Variants in SRP54 observed in about 807,000 individuals in gnomAD.
SRP54 encodes signal recognition particle subunit SRP54.
A neutral mutation model predicts 64.8 loss-of-function variants in SRP54; 10 were observed. The ratio of observed to expected loss-of-function variants is 0.15; its 90% CI spans 0.10 to 0.26. The LOEUF is 0.26. Among genes scored for constraint, SRP54 ranks in the 10% least tolerant of loss-of-function variants. SRP54 has a pLI of 1.00. For synonymous variants in SRP54, 193 were observed against 185.6 expected, an observed-to-expected ratio of 1.04 and a Z score of -0.32; for missense variants, 325 against 613.7, an observed-to-expected ratio of 0.53 and a Z score of 4.97.
chr14:34,986,143 A>G (rs942763675), intron 1 of SRP54, among the ~76,000 whole-genome samples: 1 of 151,792 alleles, frequency 6.6e-6, no homozygotes, highest in African/African-American at 2.4e-5. Context: ...TTTTTTTGGT[A>G]TACCTTTTTT....
intron 1 of SRP54, among the ~76,000 whole-genome samples, chr14:34,989,914 A>G (rs545517181): frequency 9.9e-5 from 15 of 152,278 alleles, no homozygotes; most frequent in African/African-American, 3.4e-4. Context: ...TCATTTTGCA[A>G]GTGAGGAAAG....
Position 35,019,633 on chromosome 14 carries a change from A to T in SRP54, c.1156+559A>T, listed in dbSNP as rs139475705. Among the ~76,000 whole-genome samples, 22 of 152,342 alleles carry T rather than the reference A, an allele frequency of 1.4e-4. No homozygotes were observed. The East Asian group carries it at 4.2e-3, about 29-fold the overall frequency. ...ATGCTTAGAAAATTCTTTCTGTCTGAAACATAAGAATTCAGTTTTCTCAGT... is the reference window on the plus strand; with the variant it reads ...ATGCTTAGAAAATTCTTTCTGTCTGTAACATAAGAATTCAGTTTTCTCAGT... On this transcript the variant is annotated intron_variant, in intron 13 of 15. Coordinates refer to ENST00000216774, the MANE Select transcript of SRP54 (RefSeq NM_003136.4).
In SRP54 at chr14:35,008,613, C is replaced by T; in HGVS notation, c.361-14C>T. 1 of 1,508,736 alleles carries T rather than the reference C, an allele frequency of 6.6e-7. No individual in the cohort carries two copies. The highest frequency in any genetic ancestry group is 8.9e-7 in the Non-Finnish European group (1 of 1,122,848). The allele number at this position is 1,508,736 out of a possible 1,614,324, so 93.5% of individuals were successfully genotyped here. On this transcript the variant is annotated splice_polypyrimidine_tract_variant and intron_variant, in intron 5 of 15. Transcript: ENST00000216774. ...ATTTTATGATATTATATTTTTAAAT[C>T]TTTTCTCACCCAGCTAGCATATTAT...
intron 7 of SRP54, among the ~76,000 whole-genome samples, chr14:35,010,297 A>C (rs906364103): frequency 6.6e-6 from 1 of 151,562 alleles, no homozygotes; most frequent in African/African-American, 2.4e-5. Context: ...AAAATACAAA[A>C]TAACTGGACG....
chr14:35,010,423 G>T (rs570937449), intron 7 of SRP54, among the ~76,000 whole-genome samples: 2 of 152,138 alleles, frequency 1.3e-5, no homozygotes, highest in East Asian at 1.9e-4. Flanking sequence ...TCCACCATGG[G>T]CAACAAGAGC....
chr14:35,022,077 C>T (rs967785003), intron 13 of SRP54, among the ~76,000 whole-genome samples: 3 of 151,988 alleles, frequency 2.0e-5, no homozygotes, highest in East Asian at 1.9e-4. Flanking sequence ...ATGGATAGAA[C>T]GTACCTCTTT....
Position 35,001,209 on chromosome 14 carries a change from C to G in SRP54, c.255+189C>G, listed in dbSNP as rs8017611. 0.37 allele frequency among the ~76,000 whole-genome samples: 51,630 copies of G among 138,452 alleles called. 9,889 individuals carry two copies. Among genetic ancestry groups the G allele is most frequent in the East Asian group, 0.69 (3,273 of 4,774 alleles). The allele number at this position is 138,452 out of a possible 152,430, so 90.8% of individuals were successfully genotyped here. A position where few individuals can be genotyped will look rare whatever the true frequency, so the allele number is the denominator to read the frequency against. ...TTTTTTTTTGAGAAGGAGTTTCACT[C>G]TTGTTGCCCAGGCTGGAGTGCAACC... On this transcript the variant is annotated intron_variant, in intron 4 of 15. Transcript: ENST00000216774.
At position 34,996,753 on chromosome 14, in the gene SRP54, G is replaced by A. The variant is rs760145596; in HGVS notation, c.44G>A (p.Arg15His). ...GGAAGAAAAATAACATCAGCATTACGCTCGTTGAGCAATGCCACCATTATC... is the reference window on the plus strand; with the variant it reads ...GGAAGAAAAATAACATCAGCATTACACTCGTTGAGCAATGCCACCATTATC... ...DLGRKITSAL[R>H]SLSNATIINE... The change falls in exon 2 of 16, where the codon CGC becomes CAC. Residue 15 changes from arginine (R) to histidine (H), a missense_variant. Coordinates refer to ENST00000216774, the MANE Select transcript of SRP54 (RefSeq NM_003136.4). The A allele has an allele frequency of 8.7e-6, 14 of 1,613,066 alleles. No individual in the cohort carries two copies. The highest frequency in any genetic ancestry group is 2.7e-5 in the African/African-American group (2 of 74,880).
intron 11 of SRP54, 166 bp from the exon 12 acceptor site, chr14:35,018,526 G>A (rs2044478184): frequency 1.2e-5 from 7 of 601,564 alleles, no homozygotes; most frequent in Admixed American, 6.4e-5. Context: ...ATTCTCCCCA[G>A]CATTCATCCT....
At chr14:35,021,179 G>T (rs1262073043) in intron 13 of SRP54, among the ~76,000 whole-genome samples, 1 of 152,108 alleles carries the variant, frequency 6.6e-6, no homozygotes, top group Admixed American at 6.5e-5. Flanking sequence ...CTGGATTTCA[G>T]TTCACTTCTG....
At chr14:35,018,521 C>T in intron 11 of SRP54, 171 bp from the exon 12 acceptor site, 1 of 592,716 alleles carries the variant, frequency 1.7e-6, no homozygotes. Context: ...TATGTATTCT[C>T]CCCAGCATTC....
chr14:35,018,470 G>A (rs2139016372), intron 11 of SRP54, among the ~76,000 whole-genome samples: 1 of 152,312 alleles, frequency 6.6e-6, no homozygotes, highest in Admixed American at 6.5e-5. Flanking sequence ...TGTCTTCTCA[G>A]ATAGAATGTA....
At chr14:35,000,616 T>G (rs923551723) in intron 3 of SRP54, among the ~76,000 whole-genome samples, 5 of 151,814 alleles carry the variant, frequency 3.3e-5, no homozygotes, top group Admixed American at 6.6e-5. Flanking sequence ...AGTCCTGATT[T>G]CTGTTGTAAA....
At chr14:35,023,863 T>C (rs1208708319) in intron 14 of SRP54, among the ~76,000 whole-genome samples, 2 of 152,072 alleles carry the variant, frequency 1.3e-5, no homozygotes, top group Non-Finnish European at 2.9e-5. Context: ...CATGTATCTT[T>C]GTCTAATGTA....
intron 11 of SRP54, 96 bp downstream of exon 11, chr14:35,014,926 A>G: frequency 2.4e-6 from 2 of 848,206 alleles, no homozygotes; most frequent in Middle Eastern, 3.2e-4. Context: ...AATATCTGTT[A>G]GAGTCAGATC....
intron 14 of SRP54, among the ~76,000 whole-genome samples, chr14:35,023,780 G>C (rs2044574062): frequency 9.4e-6 from 1 of 106,632 alleles, no homozygotes; most frequent in Non-Finnish European, 2.2e-5. Context: ...TGAGACTCCG[G>C]TCCCCAAACA....
chr14:35,003,128 C>T (rs902033172), intron 4 of SRP54, among the ~76,000 whole-genome samples: 14 of 152,074 alleles, frequency 9.2e-5, no homozygotes, highest in South Asian at 2.1e-4. Flanking sequence ...TATTGAGTAC[C>T]TACTTTATTT....
At chr14:35,005,644 C>A (rs1014825800) in intron 4 of SRP54, among the ~76,000 whole-genome samples, 24 of 152,122 alleles carry the variant, frequency 1.6e-4, no homozygotes, top group African/African-American at 2.4e-5. Flanking sequence ...AATCCTCCTC[C>A]TTTGTCCCCC....
intron 1 of SRP54, among the ~76,000 whole-genome samples, chr14:34,985,547 T>C (rs1566639196): frequency 6.6e-6 from 1 of 152,236 alleles, no homozygotes; most frequent in Non-Finnish European, 1.5e-5. Context: ...ACTAGCCTTA[T>C]GGAGTATGGG....
Sources: gnomAD v4.1 joint callset for allele counts (sites outside exome capture counted in the v4.1 genomes callset) on GRCh38, gnomAD v4.1.1 for gene constraint, MANE v1.5 for transcripts, NCBI Gene and HGNC (gene_info 2026-07-23, HGNC 2026-07-21) for gene names.